ESF1: variants seen among roughly 807,000 people sequenced by gnomAD.
ESF1 encodes ESF1 nucleolar pre-rRNA processing protein.
ESF1 carries 58 observed loss-of-function variants against 92.0 expected under a neutral mutation model. The ratio of observed to expected loss-of-function variants is 0.63; its 90% CI spans 0.51 to 0.78. The LOEUF is 0.78. Among genes scored for constraint, ESF1 ranks in the 30% least tolerant of loss-of-function variants. The pLI, the probability that ESF1 is intolerant of heterozygous loss-of-function variation, is 0.00. For synonymous variants in ESF1, 321 were observed against 313.7 expected (o/e 1.02, Z -0.24); for missense variants, 922 against 989.1 (o/e 0.93, Z 0.91).
intron 13 of ESF1, 97 bp from the exon 14 acceptor site, chr20:13,715,264 T>C (rs2049816768): frequency 2.5e-6 from 3 of 1,181,130 alleles, no homozygotes; most frequent in Non-Finnish European, 3.4e-6. Flanking sequence ...AGTTGGTGAG[T>C]TGATTATATA....
At chr20:13,726,390 C>T (rs1376574178) in intron 11 of ESF1, among the ~76,000 whole-genome samples, 2 of 152,190 alleles carry the variant, frequency 1.3e-5, no homozygotes, top group African/African-American at 2.4e-5. Context: ...CTTAACACCA[C>T]ACAGTGCATT....
chr20:13,779,598 G>A (rs906029096), intron 2 of ESF1, among the ~76,000 whole-genome samples: 7 of 152,292 alleles, frequency 4.6e-5, no homozygotes, highest in South Asian at 2.1e-4. Context: ...GCAGTGGCAC[G>A]ATCTTGGCTC....
At chr20:13,774,062 T>A (rs1979813716) in intron 4 of ESF1, among the ~76,000 whole-genome samples, 1 of 151,528 alleles carries the variant, frequency 6.6e-6, no homozygotes, top group South Asian at 2.1e-4. Flanking sequence ...GCCACTGCAC[T>A]CCAGCCTGGG....
Position 13,714,697 on chromosome 20 carries a change from T to A in ESF1, c.*177A>T. On this transcript the variant is annotated 3_prime_UTR_variant, in exon 14 of 14. Transcript: ENST00000617257. Reference sequence around the variant, plus strand: ...GATCTGTAGGAATATACAATAAAAATTTGTCAGTCATCCACAATTAAGTAC... The same window carrying A: ...GATCTGTAGGAATATACAATAAAAAATTGTCAGTCATCCACAATTAAGTAC... 1 of 560,094 alleles carries A rather than the reference T, an allele frequency of 1.8e-6. No homozygotes were observed. The highest frequency in any genetic ancestry group is 3.1e-6 in the Non-Finnish European group (1 of 326,554). The allele number at this position is 560,094 out of a possible 1,614,324, so 34.7% of individuals were successfully genotyped here.
Position 13,766,832 on chromosome 20 carries a change from T to G in ESF1, c.1611A>C (p.Gln537His), listed in dbSNP as rs772073092. The change falls in exon 8 of 14, where the codon CAA becomes CAC. Residue 537 changes from glutamine to histidine, a missense_variant. Gln to His is a conservative substitution (Grantham distance 24, BLOSUM62 0). Transcript: ENST00000617257. ...KKEELLDMDFQAYLASSSEDE... is the reference protein window; with the variant it reads ...KKEELLDMDFHAYLASSSEDE... ...CTTCACTAGAGGAAGCTAAGTAGGC[T>G]TGAAAATCCATGTCCAAAAGCTCTT... 4.6e-5 allele frequency: 74 copies of G among 1,613,772 alleles called. No homozygotes were observed. In the Middle Eastern group the frequency reaches 4.9e-4, roughly 11 times the overall value.
At chr20:13,757,400 GTTT>G (rs1004162907) in intron 9 of ESF1, among the ~76,000 whole-genome samples, 1 of 151,902 alleles carries the variant, frequency 6.6e-6, no homozygotes. Context: ...ACTATGTTTT[GTTT>G]GTTTGTTTGT....
Position 13,775,991 on chromosome 20 carries a change from T to C in ESF1, c.917A>G (p.Lys306Arg). 1 of 1,613,950 alleles carries C rather than the reference T, an allele frequency of 6.2e-7. No homozygotes were observed. The highest frequency in any genetic ancestry group is 8.5e-7 in the Non-Finnish European group (1 of 1,179,916). ...SDSGPDLARG[K>R]GNIETSSEDE... ...TTCAGAACTAGTTTCTATATTTCCTTTACCCCTTGCAAGATCAGGGCCACT... is the reference window on the plus strand; with the variant it reads ...TTCAGAACTAGTTTCTATATTTCCTCTACCCCTTGCAAGATCAGGGCCACT... The change falls in exon 3 of 14, where the codon AAA becomes AGA. Residue 306 changes from lysine (K) to arginine (R), a missense_variant. Physicochemically the swap from Lys to Arg is conservative, Grantham distance 26 (BLOSUM62 2). Transcript: ENST00000617257.
intron 9 of ESF1, among the ~76,000 whole-genome samples, chr20:13,740,327 A>G (rs552374899): frequency 3.3e-5 from 5 of 152,354 alleles, no homozygotes; most frequent in South Asian, 4.1e-4. Flanking sequence ...TACAAAATAT[A>G]TATCAGCACT....
chr20:13,733,084 T>C (rs1012803391), intron 10 of ESF1, among the ~76,000 whole-genome samples: 4 of 149,760 alleles, frequency 2.7e-5, no homozygotes, highest in African/African-American at 1.0e-4. Context: ...CGCCACCACA[T>C]CCACCTAATT....
intron 9 of ESF1, among the ~76,000 whole-genome samples, chr20:13,748,592 A>ATATATATATTTTTT (rs1331098586): frequency 2.3e-4 from 22 of 95,706 alleles, no homozygotes; most frequent in African/African-American, 1.3e-3. Context: ...ATATATATAT[A>ATATATATATTTTTT]TTTTTTTTTT....
rs545277344 is a variant in ESF1, at chr20:13,776,960, C to G, written c.638-690G>C. Among the ~76,000 whole-genome samples the G allele has an allele frequency of 2.6e-5, 4 of 152,200 alleles. No individual in the cohort carries two copies. In the East Asian group the frequency reaches 7.7e-4, roughly 29 times the overall value. On this transcript the variant is annotated intron_variant, in intron 2 of 13. Transcript: ENST00000617257. The stretch of plus-strand genomic sequence containing the variant: ...AAGAGTTAAGTAGAGGCCAAGCTAT[C>G]AAAAAACCATATAGAGAGCTTGGAC...
At position 13,766,910 on chromosome 20, in the gene ESF1, C is replaced by A; in HGVS notation, c.1533G>T (p.Trp511Cys). The stretch of plus-strand genomic sequence containing the variant: ...TAATTCTTTCATGATCAGTCTCATC[C>A]CAAGTGATTTCCACCTTTCACCAAC... ...AMGTSTVEIT[W>C]DETDHERITM... Residue 511 changes from tryptophan (W) to cysteine (C), a missense_variant, in exon 8 of 14, where the codon TGG becomes TGT. Physicochemically the swap from Trp to Cys is radical, Grantham distance 215 (BLOSUM62 -2). Coordinates refer to ENST00000617257, the MANE Select transcript of ESF1 (RefSeq NM_001276380.2). The A allele has an allele frequency of 6.2e-7, 1 of 1,610,122 alleles. No individual in the cohort carries two copies. The highest frequency in any genetic ancestry group is 8.5e-7 in the Non-Finnish European group (1 of 1,178,816).
At chr20:13,725,674 T>C (rs1600266647) in intron 11 of ESF1, among the ~76,000 whole-genome samples, 1 of 152,208 alleles carries the variant, frequency 6.6e-6, no homozygotes, top group Non-Finnish European at 1.5e-5. Context: ...TCATGTGGAC[T>C]TCACCTGACC....
intron 8 of ESF1, among the ~76,000 whole-genome samples, chr20:13,766,281 C>T (rs1979421833): frequency 6.6e-6 from 1 of 152,124 alleles, no homozygotes; most frequent in Admixed American, 6.5e-5. Flanking sequence ...CAACAACAAA[C>T]CTCAAGCTCC....
chr20:13,717,247 A>C (rs2049835200), intron 13 of ESF1, 121 bp downstream of exon 13: 2 of 1,206,558 alleles, frequency 1.7e-6, no homozygotes, highest in Admixed American at 4.2e-5. Context: ...GGCGTGAGCC[A>C]CTGCACCGGG....
At chr20:13,726,519 C>G (rs1291131732) in intron 11 of ESF1, among the ~76,000 whole-genome samples, 2 of 152,184 alleles carry the variant, frequency 1.3e-5, no homozygotes, top group Non-Finnish European at 2.9e-5. Flanking sequence ...TCAGAGAAGC[C>G]TTCTTTGCCT....
chr20:13,733,584 CT>C, intron 10 of ESF1, 136 bp downstream of exon 10: 2 of 927,068 alleles, frequency 2.2e-6, no homozygotes, highest in Non-Finnish European at 3.1e-6. Flanking sequence ...TCACTTTCCT[CT>C]TTCTTAAAAT....
At chr20:13,776,526 G>A (rs529995233) in intron 2 of ESF1, among the ~76,000 whole-genome samples, 3 of 152,274 alleles carry the variant, frequency 2.0e-5, no homozygotes, top group African/African-American at 7.2e-5. Context: ...CATCACGCAA[G>A]TAGATCCAGA....
rs1487795012 is a variant in ESF1 at position 13,748,555 on chromosome 20, T to C, written c.1828+11137A>G. ...ACACATATATATGTGTGTGTATATA[T>C]ATATATATATGTGTGTGTGTATATA... On this transcript the variant is annotated intron_variant, in intron 9 of 13. Coordinates refer to ENST00000617257, the MANE Select transcript of ESF1 (RefSeq NM_001276380.2). 6.8e-3 allele frequency among the ~76,000 whole-genome samples: 350 copies of C among 51,318 alleles called. 4 individuals are homozygous for C. Among genetic ancestry groups the C allele is most frequent in the African/African-American group, 0.027 (318 of 11,838 alleles). The allele number at this position is 51,318 out of a possible 152,430, so 33.7% of individuals were successfully genotyped here. A position where few individuals can be genotyped will look rare whatever the true frequency, so the allele number is the denominator to read the frequency against.
Sources: allele counts gnomAD v4.1 joint callset (sites outside exome capture counted in the v4.1 genomes callset), GRCh38; gene constraint gnomAD v4.1.1; transcripts MANE v1.5; gene names NCBI Gene and HGNC (gene_info 2026-07-23, HGNC 2026-07-21).